Variants in THSD4 observed in about 807,000 individuals in gnomAD.
The protein encoded by THSD4 is thrombospondin type-1 domain-containing protein 4.
A neutral mutation model predicts 119.0 loss-of-function variants in THSD4; 69 were observed. The observed-to-expected ratio is 0.58, with a 90% CI of 0.48 to 0.71. THSD4 has a LOEUF of 0.71. Among genes scored for constraint, THSD4 ranks in the 30% least tolerant of loss-of-function variants. The pLI is 0.00. For missense variants in THSD4, 1,393 were observed against 1,391.1 expected (o/e 1.00, Z -0.02); for synonymous variants, 524 against 540.4 (o/e 0.97, Z 0.42).
At chr15:71,414,844 T>C (rs2046737842) in intron 7 of THSD4, among the ~76,000 whole-genome samples, 1 of 152,232 alleles carries the variant, frequency 6.6e-6, no homozygotes. Flanking sequence ...TTACTAGGAC[T>C]ACTGGATACT....
intron 5 of THSD4, among the ~76,000 whole-genome samples, chr15:71,246,953 G>A (rs1017924693): frequency 3.7e-5 from 5 of 135,640 alleles, no homozygotes; most frequent in Non-Finnish European, 7.7e-5. Flanking sequence ...GCAGTGGCAC[G>A]ATCTCAGGTC....
At chr15:71,255,137 A>G (rs2044301084) in intron 5 of THSD4, among the ~76,000 whole-genome samples, 1 of 152,168 alleles carries the variant, frequency 6.6e-6, no homozygotes, top group African/African-American at 2.4e-5. Flanking sequence ...AAGACTTTGA[A>G]CTATCCTATT....
chr15:71,771,954 G>C (rs1321595392), intron 17 of THSD4, among the ~76,000 whole-genome samples: 1 of 152,058 alleles, frequency 6.6e-6, no homozygotes, highest in Admixed American at 6.5e-5. Flanking sequence ...ACATAGATTG[G>C]GCAGATAGGA....
intron 6 of THSD4, among the ~76,000 whole-genome samples, chr15:71,337,357 G>C (rs2045501819): frequency 6.6e-6 from 1 of 152,244 alleles, no homozygotes. Context: ...GGAGTGAAAA[G>C]TGGGCAGAGC....
chr15:71,131,610 G>C (rs186279574), intron 1 of THSD4, among the ~76,000 whole-genome samples: 21 of 152,138 alleles, frequency 1.4e-4, no homozygotes, highest in Non-Finnish European at 2.9e-4. Flanking sequence ...ATAATCACAG[G>C]AGTACATGTT....
At chr15:71,408,606 C>G (rs1348751332) in intron 6 of THSD4, among the ~76,000 whole-genome samples, 1 of 152,030 alleles carries the variant, frequency 6.6e-6, no homozygotes, top group Non-Finnish European at 1.5e-5. Context: ...AATCCTAGCA[C>G]TTTGGGAGGC....
At chr15:71,235,301 A>G (rs1160654808) in intron 4 of THSD4, among the ~76,000 whole-genome samples, 1 of 152,192 alleles carries the variant, frequency 6.6e-6, no homozygotes, top group Non-Finnish European at 1.5e-5. Context: ...TTGGGAGTTT[A>G]GCCTTGATAT....
intron 6 of THSD4, among the ~76,000 whole-genome samples, chr15:71,364,000 A>G (rs954204438): frequency 6.6e-6 from 1 of 152,202 alleles, no homozygotes; most frequent in Non-Finnish European, 1.5e-5. Context: ...TAGAAATAGT[A>G]TTCATTAAAG....
intron 11 of THSD4, among the ~76,000 whole-genome samples, chr15:71,743,961 G>C (rs1482207566): frequency 6.6e-6 from 1 of 152,192 alleles, no homozygotes; most frequent in Non-Finnish European, 1.5e-5. Context: ...ATAAAGTATA[G>C]TGTTCTTCCC....
intron 8 of THSD4, among the ~76,000 whole-genome samples, chr15:71,696,465 C>G (rs1460424471): frequency 6.6e-6 from 1 of 152,172 alleles, no homozygotes; most frequent in Non-Finnish European, 1.5e-5. Flanking sequence ...ATGACCCAAA[C>G]ACCTCCCACT....
At position 71,302,265 on chromosome 15, in the gene THSD4, G is replaced by T. The variant is rs990944115; in HGVS notation, c.1015+45550G>T. Among the ~76,000 whole-genome samples, 30 of 152,294 alleles carry T rather than the reference G, an allele frequency of 2.0e-4. 1 individual carries two copies. The highest frequency in any genetic ancestry group is 5.8e-4 in the African/African-American group (24 of 41,568). ...AGAGCACACCAGAGGTGGCGGAAGG[G>T]TAGGGGTAGGCAGAGCAAGGCTGAG... On this transcript the variant is annotated intron_variant, in intron 6 of 17. Transcript: ENST00000261862.
chr15:71,554,907 C>T (rs1475866477), intron 7 of THSD4, among the ~76,000 whole-genome samples: 2 of 152,030 alleles, frequency 1.3e-5, no homozygotes, highest in Non-Finnish European at 2.9e-5. Flanking sequence ...TATAATAAAG[C>T]AAACACGTAT....
chr15:71,482,052 T>C (rs1185976318), intron 7 of THSD4, among the ~76,000 whole-genome samples: 1 of 152,152 alleles, frequency 6.6e-6, no homozygotes, highest in African/African-American at 2.4e-5. Flanking sequence ...CTTCTGGCCA[T>C]AGTCTGATCA....
At chr15:71,706,047 ACCC>A (rs1222431245) in intron 8 of THSD4, among the ~76,000 whole-genome samples, 5 of 152,112 alleles carry the variant, frequency 3.3e-5, no homozygotes, top group Non-Finnish European at 7.4e-5. Context: ...AGATTGTGTA[ACCC>A]CTTATTTCAC....
At chr15:71,777,105 C>T (rs2053926883) in intron 17 of THSD4, 127 bp from the exon 18 acceptor site, 2 of 1,080,820 alleles carry the variant, frequency 1.9e-6, no homozygotes, top group Admixed American at 2.0e-5. Context: ...GGCACACATT[C>T]ATACCCCACA....
chr15:71,746,434 G>A (rs1314905031), intron 12 of THSD4, among the ~76,000 whole-genome samples: 1 of 151,882 alleles, frequency 6.6e-6, no homozygotes, highest in Non-Finnish European at 1.5e-5. Context: ...CTACTCCATT[G>A]CCCAGGCTGG....
chr15:71,721,102 C>T (rs1307211132), intron 8 of THSD4, among the ~76,000 whole-genome samples: 1 of 152,174 alleles, frequency 6.6e-6, no homozygotes, highest in Non-Finnish European at 1.5e-5. Context: ...CATGGTGGCT[C>T]ACACCTGTAA....
At chr15:71,551,026 G>A (rs72737247) in intron 7 of THSD4, among the ~76,000 whole-genome samples, 6,405 of 152,256 alleles carry the variant, frequency 0.042, 210 homozygotes, top group Non-Finnish European at 0.057. Context: ...TCTACTCTGA[G>A]TGTGTAAAAT....
At chr15:71,617,190 C>A (rs1339035666) in intron 7 of THSD4, among the ~76,000 whole-genome samples, 1 of 152,162 alleles carries the variant, frequency 6.6e-6, no homozygotes, top group East Asian at 1.9e-4. Context: ...AATTTCCTAT[C>A]CTCCAGTTGA....
Sources: allele counts gnomAD v4.1 joint callset (sites outside exome capture counted in the v4.1 genomes callset), GRCh38; gene constraint gnomAD v4.1.1; transcripts MANE v1.5; gene names NCBI Gene and HGNC (gene_info 2026-07-23, HGNC 2026-07-21).